Variants in ADCY3 observed in about 807,000 individuals in gnomAD.
ADCY3 encodes the protein adenylate cyclase type 3.
A neutral mutation model predicts 119.4 loss-of-function variants in ADCY3; 70 were observed. The observed-to-expected ratio is 0.59, with a 90% CI of 0.48 to 0.72. The LOEUF (loss-of-function observed/expected upper bound fraction) is 0.72, where lower values mean the gene tolerates loss of function less well. Among genes scored for constraint, ADCY3 ranks in the 30% least tolerant of loss-of-function variants. ADCY3 has a pLI of 0.00. For missense variants in ADCY3, 1,238 were observed against 1,541.6 expected (o/e 0.80, Z 3.30); for synonymous variants, 672 against 621.4 (o/e 1.08, Z -1.21).
chr2:24,825,793 T>A, intron 16 of ADCY3: 1 of 537,448 alleles, frequency 1.9e-6, no homozygotes, highest in Non-Finnish European at 3.3e-6. Flanking sequence ...CTCTATCCCC[T>A]CCCACCTTCA....
At chr2:24,856,341 T>C (rs1314602206) in intron 3 of ADCY3, among the ~76,000 whole-genome samples, 2 of 152,246 alleles carry the variant, frequency 1.3e-5, no homozygotes, top group Non-Finnish European at 2.9e-5. Flanking sequence ...CTAAGTGCCA[T>C]GTGCTTGACA....
intron 3 of ADCY3, among the ~76,000 whole-genome samples, chr2:24,843,456 C>T (rs1366729462): frequency 6.6e-6 from 1 of 152,268 alleles, no homozygotes; most frequent in Non-Finnish European, 1.5e-5. Context: ...TGGTCTTGGA[C>T]TCCTGCGCTC....
intron 3 of ADCY3, among the ~76,000 whole-genome samples, chr2:24,853,058 G>A (rs1672569824): frequency 9.8e-6 from 1 of 101,920 alleles, no homozygotes; most frequent in Non-Finnish European, 2.1e-5. Flanking sequence ...GTGTGTGTGT[G>A]TGTGTGTGTA....
Position 24,898,607 on chromosome 2 carries a change from A to G in ADCY3, c.675+19706T>C, listed in dbSNP as rs906073389. 6.6e-6 allele frequency among the ~76,000 whole-genome samples: 1 copy of G among 152,162 alleles called. No homozygotes were observed. Among genetic ancestry groups the G allele is most frequent in the African/African-American group, 2.4e-5 (1 of 41,426 alleles). ...AATCAGCCTCTCAATGGAGCCCTGC[A>G]GCACTGGAAAGGAGCCCTCCCATTT... On this transcript the variant is annotated intron_variant, in intron 2 of 21. Coordinates refer to ENST00000679454, the MANE Select transcript of ADCY3 (RefSeq NM_004036.5). The surrounding 1 kb of genome is among the most constrained non-coding windows in gnomAD (Gnocchi z 4.3).
chr2:24,854,918 C>T (rs899303200), intron 3 of ADCY3, among the ~76,000 whole-genome samples: 5 of 152,004 alleles, frequency 3.3e-5, no homozygotes, highest in Non-Finnish European at 5.9e-5. Context: ...GGCTTCGTGG[C>T]GGGCACCTGT....
chr2:24,867,392 G>C (rs907739168), intron 3 of ADCY3, among the ~76,000 whole-genome samples: 2 of 152,230 alleles, frequency 1.3e-5, no homozygotes, highest in African/African-American at 4.8e-5. Context: ...GGGCCTTTAA[G>C]AGGGGATCAG....
chr2:24,913,057 G>A (rs951057394), intron 2 of ADCY3, among the ~76,000 whole-genome samples: 2 of 152,202 alleles, frequency 1.3e-5, no homozygotes, highest in East Asian at 1.9e-4. Context: ...TACTCTCCAC[G>A]GAGGGATGAC....
intron 11 of ADCY3, among the ~76,000 whole-genome samples, 163 bp from the exon 12 acceptor site, chr2:24,831,912 G>A (rs1363593756): frequency 4.3e-5 from 4 of 92,480 alleles, no homozygotes; most frequent in Non-Finnish European, 9.8e-5. Context: ...AGCGGACAGG[G>A]GCCAGGGGAC....
intron 2 of ADCY3, among the ~76,000 whole-genome samples, chr2:24,891,877 A>G (rs1677699130): frequency 6.6e-6 from 1 of 152,240 alleles, no homozygotes; most frequent in Non-Finnish European, 1.5e-5. Context: ...TTTATAAGTT[A>G]AACTTTATCA....
chr2:24,906,311 A>C (rs1288952382), intron 2 of ADCY3, among the ~76,000 whole-genome samples: 1 of 152,156 alleles, frequency 6.6e-6, no homozygotes, highest in Non-Finnish European at 1.5e-5. Flanking sequence ...TTTAAAAAAA[A>C]AATAAAAAGA....
chr2:24,902,971 C>T (rs970715066), intron 2 of ADCY3, among the ~76,000 whole-genome samples: 1 of 151,978 alleles, frequency 6.6e-6, no homozygotes, highest in African/African-American at 2.4e-5. Flanking sequence ...GTTGAGGCTG[C>T]AGTGAGCCGT....
intron 3 of ADCY3, among the ~76,000 whole-genome samples, chr2:24,869,770 C>G (rs1452301418): frequency 1.3e-5 from 2 of 152,148 alleles, no homozygotes; most frequent in African/African-American, 4.8e-5. Context: ...AAATTATCTT[C>G]AAACTATCAG....
At chr2:24,896,900 C>T (rs1678357714) in intron 2 of ADCY3, among the ~76,000 whole-genome samples, 1 of 152,136 alleles carries the variant, frequency 6.6e-6, no homozygotes, top group Non-Finnish European at 1.5e-5. Flanking sequence ...GAATTCTCTT[C>T]AGGTAGAAAG....
intron 2 of ADCY3, among the ~76,000 whole-genome samples, chr2:24,896,676 G>A (rs1431386030): frequency 6.6e-6 from 1 of 151,996 alleles, no homozygotes; most frequent in African/African-American, 2.4e-5. Flanking sequence ...GTCTCACAGG[G>A]TTGCCCTGTG....
rs1439643675 is a variant in ADCY3, at chr2:24,822,616, G to A, written c.2898C>T (p.Pro966=). The change falls in exon 19 of 22, where the codon CCC becomes CCT. Residue 966 remains proline (P), a synonymous_variant. Coordinates refer to ENST00000679454, the MANE Select transcript of ADCY3 (RefSeq NM_004036.5). ...TGATCTTGGTGATCACCCGGAACTT[G>A]GGATTGTCCAGGAGCTGAGGCCAGG... is the stretch of plus-strand genomic sequence containing the variant. The part of the protein sequence containing the change: ...ISDFDSLLDN[P]KFRVITKIKT... The A allele has an allele frequency of 6.2e-7, 1 of 1,614,066 alleles. No individual in the cohort carries two copies.
At chr2:24,914,929 C>T (rs1664266987) in intron 2 of ADCY3, among the ~76,000 whole-genome samples, 1 of 152,120 alleles carries the variant, frequency 6.6e-6, no homozygotes, top group African/African-American at 2.4e-5. Context: ...ACTCCCTGAT[C>T]ACCTGCTCTT....
intron 2 of ADCY3, among the ~76,000 whole-genome samples, chr2:24,886,581 G>T (rs1475700508): frequency 6.6e-6 from 1 of 152,154 alleles, no homozygotes; most frequent in African/African-American, 2.4e-5. Context: ...CAGAAACTCT[G>T]AAGCTCAGGG....
In ADCY3 at chr2:24,841,818, T is replaced by A; in HGVS notation, c.957-151A>T. ...CCCCCAGACAGTGAGACCCTGACCC[T>A]TCCAGGTAAAGTCAGGGCTCTGACC... On this transcript the variant is annotated intron_variant, in intron 4 of 21. Transcript: ENST00000679454. The surrounding 1 kb of genome is among the most constrained non-coding windows in gnomAD (Gnocchi z 5.8). 1 of 642,568 alleles carries A rather than the reference T, an allele frequency of 1.6e-6. No individual in the cohort carries two copies. Among genetic ancestry groups the A allele is most frequent in the South Asian group, 1.9e-5 (1 of 51,988 alleles). 39.8% of individuals were successfully genotyped at this position (642,568 alleles called of 1,614,324 possible).
intron 13 of ADCY3, among the ~76,000 whole-genome samples, chr2:24,829,412 ATTTTTTTT>A (rs67246369): frequency 7.8e-5 from 5 of 63,790 alleles, no homozygotes; most frequent in Admixed American, 4.8e-4. Context: ...GTGTGCTCCA[ATTTTTTTT>A]TTTTTTTTTT....
Sources: allele counts gnomAD v4.1 joint callset (sites outside exome capture counted in the v4.1 genomes callset), GRCh38; gene constraint gnomAD v4.1.1; non-coding constraint Gnocchi (gnomAD v3.1); transcripts MANE v1.5; gene names NCBI Gene and HGNC (gene_info 2026-07-23, HGNC 2026-07-21).